The following KLF12 variants were observed in gnomAD, a reference collection of about 807,000 sequenced individuals.
The protein encoded by KLF12 is Krueppel-like factor 12.
In KLF12, 9 loss-of-function variants were observed where a neutral mutation model predicts 37.8. The ratio of observed to expected loss-of-function variants is 0.24; its 90% confidence interval spans 0.14 to 0.42. KLF12 has a LOEUF of 0.42. Among genes scored for constraint, KLF12 ranks in the 10% least tolerant of loss-of-function variants. The pLI is 1.00. For missense variants in KLF12, 411 were observed against 516.0 expected, an observed-to-expected ratio of 0.80 and a Z score of 1.97; for synonymous variants, 208 against 202.1, an observed-to-expected ratio of 1.03 and a Z score of -0.25.
intron 2 of KLF12, among the ~76,000 whole-genome samples, chr13:73,944,952 T>C (rs1489051001): frequency 2.0e-5 from 3 of 152,192 alleles, no homozygotes; most frequent in African/African-American, 7.2e-5. Flanking sequence ...ACATATTGAC[T>C]CAACTACAAA....
intron 2 of KLF12, among the ~76,000 whole-genome samples, chr13:73,975,963 C>T (rs1049010484): frequency 2.6e-5 from 4 of 152,154 alleles, no homozygotes; most frequent in Non-Finnish European, 5.9e-5. Flanking sequence ...AGCTTTCCCA[C>T]ACTGTATGGA....
intron 1 of KLF12, among the ~76,000 whole-genome samples, chr13:74,039,968 T>A (rs1307093917): frequency 6.6e-6 from 1 of 152,234 alleles, no homozygotes; most frequent in Admixed American, 6.5e-5. Context: ...CACCAACTCA[T>A]GGATGTCAAA....
intron 3 of KLF12, among the ~76,000 whole-genome samples, chr13:73,908,992 G>A (rs980776940): frequency 6.6e-6 from 1 of 152,178 alleles, no homozygotes; most frequent in East Asian, 1.9e-4. Flanking sequence ...GTAATGCACA[G>A]TTGGCATTGT....
At chr13:73,817,318 C>CAAAAAAA (rs749318816) in intron 4 of KLF12, among the ~76,000 whole-genome samples, 3,376 of 52,092 alleles carry the variant, frequency 0.065, 58 homozygotes, top group African/African-American at 0.087. Flanking sequence ...GATCCTGTTT[C>CAAAAAAA]AAAAAAAAAA....
the KLF12 span, among the ~76,000 whole-genome samples, chr13:74,297,441 T>C: frequency 6.6e-6 from 1 of 152,248 alleles, no homozygotes; most frequent in African/African-American, 2.4e-5. Context: ...TTACTGTTTG[T>C]TCAATTTGCT....
At chr13:73,861,074 AG>A (rs1885900491) in intron 3 of KLF12, among the ~76,000 whole-genome samples, 2 of 152,224 alleles carry the variant, frequency 1.3e-5, no homozygotes, top group Non-Finnish European at 2.9e-5. Flanking sequence ...TCACAGTAAT[AG>A]GAAGTTAAAA....
the KLF12 span, among the ~76,000 whole-genome samples, chr13:74,146,567 A>G: frequency 6.6e-6 from 1 of 152,192 alleles, no homozygotes; most frequent in South Asian, 2.1e-4. Context: ...TATCTGTCTA[A>G]TATGTTTTCT....
chr13:73,986,938 G>T (rs554362077), intron 2 of KLF12, among the ~76,000 whole-genome samples: 11 of 150,232 alleles, frequency 7.3e-5, no homozygotes, highest in East Asian at 1.9e-4. Context: ...ATAAATTTGT[G>T]TTTTTTTTTC....
the KLF12 span, among the ~76,000 whole-genome samples, chr13:74,150,642 C>G: frequency 1.4e-4 from 22 of 152,316 alleles, no homozygotes; most frequent in African/African-American, 5.3e-4. Flanking sequence ...AAAGGAAACA[C>G]TTGATGGCAT....
intron 1 of KLF12, among the ~76,000 whole-genome samples, chr13:74,017,552 T>C (rs1248587062): frequency 1.3e-5 from 2 of 150,678 alleles, no homozygotes; most frequent in Non-Finnish European, 2.9e-5. Context: ...GAGGCCCTCC[T>C]TCCTGTCCCC....
At chr13:74,209,660 G>A in the KLF12 span, among the ~76,000 whole-genome samples, 1 of 152,208 alleles carries the variant, frequency 6.6e-6, no homozygotes, top group East Asian at 1.9e-4. Context: ...GACTATGATT[G>A]TAAAAGGATT....
At chr13:73,952,569 A>G (rs957417920) in intron 2 of KLF12, among the ~76,000 whole-genome samples, 1 of 152,214 alleles carries the variant, frequency 6.6e-6, no homozygotes, top group African/African-American at 2.4e-5. Context: ...GAGCCGAGCC[A>G]TATCAAGCTT....
intron 3 of KLF12, among the ~76,000 whole-genome samples, chr13:73,918,492 T>C (rs1039812782): frequency 1.3e-5 from 2 of 152,166 alleles, no homozygotes; most frequent in African/African-American, 2.4e-5. Context: ...CCCAGTACTA[T>C]ACAAGATATT....
intron 7 of KLF12, among the ~76,000 whole-genome samples, chr13:73,696,252 A>G (rs1301307870): frequency 6.6e-6 from 1 of 152,152 alleles, no homozygotes; most frequent in Non-Finnish European, 1.5e-5. Flanking sequence ...TTTGGGGGAA[A>G]ATCCTAGATG....
intron 2 of KLF12, among the ~76,000 whole-genome samples, chr13:73,951,943 A>G (rs1346332673): frequency 6.6e-6 from 1 of 152,252 alleles, no homozygotes; most frequent in Admixed American, 6.5e-5. Flanking sequence ...ACCATTAAGT[A>G]AATAAATATC....
chr13:74,238,347 T>C, the KLF12 span, among the ~76,000 whole-genome samples: 1 of 132,168 alleles, frequency 7.6e-6, no homozygotes, highest in Non-Finnish European at 1.5e-5. Context: ...TTTGCCAGTA[T>C]TTTATTGAGG....
chr13:74,009,663 G>T (rs534424477), intron 1 of KLF12, among the ~76,000 whole-genome samples: 2 of 152,208 alleles, frequency 1.3e-5, no homozygotes, highest in Non-Finnish European at 1.5e-5. Flanking sequence ...GGCTTGATTT[G>T]CTGGCATGTA....
chr13:73,742,551 C>A (rs9318211), intron 6 of KLF12, among the ~76,000 whole-genome samples: 20,294 of 152,148 alleles, frequency 0.13, 1,766 homozygotes, highest in South Asian at 0.26. Context: ...AAGATGATGG[C>A]ATTATCATTC....
the KLF12 span, among the ~76,000 whole-genome samples, chr13:74,140,698 C>T: frequency 1.3e-5 from 2 of 151,938 alleles, no homozygotes; most frequent in African/African-American, 4.8e-5. Context: ...CTGAATACAA[C>T]TCCTGTTGCA....
Sources: gnomAD v4.1 joint callset for allele counts (sites outside exome capture counted in the v4.1 genomes callset) on GRCh38, gnomAD v4.1.1 for gene constraint, MANE v1.5 for transcripts, NCBI Gene and HGNC (gene_info 2026-07-23, HGNC 2026-07-21) for gene names.